Variants in SLIT3 observed in about 807,000 individuals in gnomAD.
SLIT3 encodes the protein slit homolog 3 protein.
Under a neutral mutation model 184.0 loss-of-function variants are expected in SLIT3, and 68 were observed. The observed-to-expected ratio is 0.37, with a 90% CI of 0.30 to 0.45. SLIT3 has a LOEUF of 0.45. SLIT3 is among the 20% of genes least tolerant of loss of function. The probability of loss-of-function intolerance (pLI) is 1.00; values close to 1 mark genes in which losing one functional copy is unlikely to be tolerated. For missense variants in SLIT3, 1,707 were observed against 2,026.0 expected (o/e 0.84, Z 3.02); for synonymous variants, 831 against 828.6 (o/e 1.00, Z -0.05).
At chr5:169,241,933 G>A (rs1341664018) in intron 3 of SLIT3, among the ~76,000 whole-genome samples, 1 of 152,084 alleles carries the variant, frequency 6.6e-6, no homozygotes, top group Non-Finnish European at 1.5e-5. Context: ...TGACTACTCA[G>A]AGTGGAAATA....
intron 4 of SLIT3, among the ~76,000 whole-genome samples, chr5:169,063,399 G>A (rs1306634183): frequency 6.6e-6 from 1 of 152,168 alleles, no homozygotes. Flanking sequence ...TCTCTTAAAT[G>A]TCTCTACCCC....
intron 4 of SLIT3, among the ~76,000 whole-genome samples, chr5:169,044,103 C>A (rs1347837469): frequency 2.0e-5 from 3 of 152,160 alleles, no homozygotes; most frequent in Non-Finnish European, 2.9e-5. Context: ...CTCACACCCA[C>A]CAGGATGTCT....
chr5:169,028,400 G>C (rs74412890), intron 4 of SLIT3, among the ~76,000 whole-genome samples: 4 of 152,096 alleles, frequency 2.6e-5, no homozygotes, highest in Non-Finnish European at 5.9e-5. Context: ...CCCATTGTGC[G>C]CTTACCAGCT....
At chr5:169,250,652 C>T (rs755681927) in intron 2 of SLIT3, among the ~76,000 whole-genome samples, 25 of 152,214 alleles carry the variant, frequency 1.6e-4, no homozygotes, top group Non-Finnish European at 3.4e-4. Flanking sequence ...CATACAAATA[C>T]CAAGGCAGTG....
intron 5 of SLIT3, among the ~76,000 whole-genome samples, chr5:168,854,813 G>T (rs959614959): frequency 6.6e-6 from 1 of 152,156 alleles, no homozygotes; most frequent in African/African-American, 2.4e-5. Context: ...CATTAGCGAG[G>T]CATCACTCAA....
intron 4 of SLIT3, among the ~76,000 whole-genome samples, chr5:169,062,879 A>G (rs1177704680): frequency 2.0e-5 from 3 of 152,204 alleles, no homozygotes; most frequent in Non-Finnish European, 4.4e-5. Flanking sequence ...AAGACCTTTA[A>G]CCAAGAATGA....
intron 4 of SLIT3, chr5:169,025,098 G>A (rs1391964564): frequency 2.0e-5 from 3 of 152,192 alleles, no homozygotes; most frequent in Non-Finnish European, 4.4e-5. Context: ...ATTCTCTTTC[G>A]CTAATAAGCA....
At chr5:168,866,877 C>G (rs1461891528) in intron 5 of SLIT3, among the ~76,000 whole-genome samples, 1 of 152,230 alleles carries the variant, frequency 6.6e-6, no homozygotes, top group African/African-American at 2.4e-5. Flanking sequence ...TACAAACATT[C>G]TCTGCATTAG....
At chr5:169,157,788 T>C (rs2113384365) in intron 4 of SLIT3, among the ~76,000 whole-genome samples, 1 of 152,140 alleles carries the variant, frequency 6.6e-6, no homozygotes. Flanking sequence ...AAGGAACATG[T>C]TTGATAGAAA....
At chr5:168,841,764 T>A (rs1389277797) in intron 6 of SLIT3, among the ~76,000 whole-genome samples, 3 of 152,210 alleles carry the variant, frequency 2.0e-5, no homozygotes, top group African/African-American at 7.2e-5. Context: ...CTACTTGCAG[T>A]TGACATCCAT....
intron 4 of SLIT3, among the ~76,000 whole-genome samples, chr5:168,890,180 C>A (rs1219844552): frequency 6.7e-6 from 1 of 149,152 alleles, no homozygotes; most frequent in Non-Finnish European, 1.5e-5. Context: ...ACCAGTTTCA[C>A]TGTTTCTCCG....
chr5:168,791,683 G>C (rs1363952299), intron 10 of SLIT3: 1 of 152,314 alleles, frequency 6.6e-6, no homozygotes, highest in East Asian at 1.9e-4. Flanking sequence ...GCTAAGTCAA[G>C]CTACTTAACC....
chr5:168,675,075 G>T (rs1761365685), intron 32 of SLIT3, among the ~76,000 whole-genome samples: 2 of 152,310 alleles, frequency 1.3e-5, no homozygotes, highest in South Asian at 4.2e-4. Flanking sequence ...GCTCTTTCCA[G>T]CGCTCCACCC....
intron 4 of SLIT3, among the ~76,000 whole-genome samples, chr5:169,132,695 T>G (rs979210009): frequency 9.9e-5 from 15 of 152,212 alleles, no homozygotes; most frequent in Non-Finnish European, 2.1e-4. Context: ...GTCTATTCTA[T>G]TTTCCTGAGA....
intron 1 of SLIT3, among the ~76,000 whole-genome samples, chr5:169,286,802 G>C (rs541873993): frequency 6.6e-6 from 1 of 152,322 alleles, no homozygotes; most frequent in East Asian, 1.9e-4. Flanking sequence ...CTCTGCTCGT[G>C]AAATGCTGTT....
rs10596363 is a variant in SLIT3, at chr5:168,702,675, CGATGATGATGAT to C, written c.2845-2008_2845-1997del. Among the ~76,000 whole-genome samples the C allele has an allele frequency of 8.7e-5, 13 of 149,604 alleles. 1 individual carries two copies. The East Asian group carries it at 9.8e-4, about 11-fold the overall frequency. Reference sequence around the variant, plus strand: ...GTAATGGCAGCTCCATAAATAATAGCGATGATGATGATGATGATGATGATGATGATGATGATG... The same window carrying C: ...GTAATGGCAGCTCCATAAATAATAGCGATGATGATGATGATGATGATGATG... On this transcript the variant is annotated intron_variant, in intron 26 of 35. Transcript: ENST00000519560.
intron 4 of SLIT3, among the ~76,000 whole-genome samples, chr5:169,002,317 T>C: frequency 1.7e-5 from 1 of 59,172 alleles, no homozygotes; most frequent in Non-Finnish European, 2.8e-5. Flanking sequence ...AACGAGACTC[T>C]GTCTCAAAAA....
At chr5:168,810,834 CAAGT>C (rs763776439) in intron 8 of SLIT3, among the ~76,000 whole-genome samples, 3 of 152,150 alleles carry the variant, frequency 2.0e-5, no homozygotes, top group African/African-American at 4.8e-5. Flanking sequence ...AGGGAACACT[CAAGT>C]GAGTGAGAGG....
At chr5:168,781,501 C>T (rs17553680) in intron 12 of SLIT3, among the ~76,000 whole-genome samples, 18,452 of 152,206 alleles carry the variant, frequency 0.12, 1,420 homozygotes, top group Middle Eastern at 0.19. Context: ...GAACGCATCG[C>T]CAAGTCAGTC....
Sources: gnomAD v4.1 joint callset for allele counts (sites outside exome capture counted in the v4.1 genomes callset) on GRCh38, gnomAD v4.1.1 for gene constraint, MANE v1.5 for transcripts, NCBI Gene and HGNC (gene_info 2026-07-23, HGNC 2026-07-21) for gene names.